Variants in PANX1 observed in about 807,000 individuals in gnomAD.
The protein encoded by PANX1 is pannexin-1.
Under a neutral mutation model 38.7 loss-of-function variants are expected in PANX1, and 30 were observed. That is an observed-to-expected ratio of 0.78 (90% CI 0.58 to 1.05). PANX1 has a LOEUF of 1.05. Ranked by LOEUF, PANX1 falls within the 50% of genes least tolerant of loss-of-function variation. The pLI is 0.00. For missense variants in PANX1, 551 were observed against 517.2 expected (o/e 1.07, Z -0.63); for synonymous variants, 230 against 212.2 (o/e 1.08, Z -0.73).
chr11:94,129,441 G>T lies in PANX1; in HGVS notation c.129G>T (p.Val43=), dbSNP rs1946598949. The stretch of plus-strand genomic sequence containing the variant: ...ACAAGATGGTCACGTGCATTGCGGT[G>T]GGGCTGCCCCTGCTGCTCATCTCGC... ...AVDKMVTCIA[V]GLPLLLISLA... Residue 43 remains valine (V), a synonymous_variant, in exon 1 of 5, where the codon GTG becomes GTT. Coordinates refer to ENST00000227638, the MANE Select transcript of PANX1 (RefSeq NM_015368.4). 1 of 1,613,764 alleles carries T rather than the reference G, an allele frequency of 6.2e-7. No homozygotes were observed. The highest frequency in any genetic ancestry group is 1.3e-5 in the African/African-American group (1 of 75,034).
At chr11:94,129,541 G>T in intron 1 of PANX1, 48 bp downstream of exon 1, 1 of 1,525,442 alleles carries the variant, frequency 6.6e-7, no homozygotes, top group Non-Finnish European at 9.0e-7. Context: ...GGTCTGGCCC[G>T]GTGAGCTGCG....
In PANX1 at chr11:94,180,185, G is replaced by A. The variant is rs1321564091; in HGVS notation, c.1129G>A (p.Val377Ile). The A allele has an allele frequency of 1.2e-6, 2 of 1,613,822 alleles. No homozygotes were observed. The highest frequency in any genetic ancestry group is 1.1e-5 in the South Asian group (1 of 91,070). Residue 377 changes from valine (V) to isoleucine (I), a missense_variant, in exon 4 of 5, where the codon GTT (valine) becomes ATT (isoleucine). Physicochemically the swap from Val to Ile is conservative, Grantham distance 29. Coordinates refer to ENST00000227638, the MANE Select transcript of PANX1 (RefSeq NM_015368.4). The part of the protein sequence containing the change: ...LTNLGMIKMD[V>I]VDGKTPMSAE... ...AAACCTTGGCATGATCAAGATGGAT[G>A]TTGTTGATGGCAAAACTCCCATGTC...
intron 1 of PANX1, among the ~76,000 whole-genome samples, chr11:94,152,515 G>T (rs1946894097): frequency 6.6e-6 from 1 of 152,126 alleles, no homozygotes; most frequent in African/African-American, 2.4e-5. Context: ...TGGAGCCTTA[G>T]CTCTGACCCC....
chr11:94,178,241 A>C, intron 2 of PANX1, 128 bp from the exon 3 acceptor site: 1 of 684,154 alleles, frequency 1.5e-6, no homozygotes, highest in Non-Finnish European at 2.6e-6. Flanking sequence ...AGTAGTTATT[A>C]GGTAATGAGC....
chr11:94,155,848 A>G (rs1244302165), intron 2 of PANX1, among the ~76,000 whole-genome samples: 1 of 152,180 alleles, frequency 6.6e-6, no homozygotes, highest in Non-Finnish European at 1.5e-5. Context: ...ATTTTCAGCC[A>G]TAGGTGGGTT....
At chr11:94,176,335 G>A (rs890481775) in intron 2 of PANX1, among the ~76,000 whole-genome samples, 5 of 151,578 alleles carry the variant, frequency 3.3e-5, no homozygotes, top group Non-Finnish European at 7.4e-5. Flanking sequence ...AAAGATTGAA[G>A]AACTGTCACA....
intron 1 of PANX1, among the ~76,000 whole-genome samples, chr11:94,149,606 T>C (rs994515041): frequency 6.6e-6 from 1 of 152,234 alleles, no homozygotes; most frequent in African/African-American, 2.4e-5. Context: ...GTATTCTTTG[T>C]TGTTCTTGGC....
intron 2 of PANX1, among the ~76,000 whole-genome samples, chr11:94,176,756 T>C (rs761134651): frequency 2.6e-5 from 4 of 151,230 alleles, no homozygotes; most frequent in Non-Finnish European, 4.4e-5. Flanking sequence ...TCCAGAGGAG[T>C]AAAGTAATTG....
At chr11:94,164,150 T>C (rs1186353294) in intron 2 of PANX1, among the ~76,000 whole-genome samples, 3 of 152,064 alleles carry the variant, frequency 2.0e-5, no homozygotes, top group Non-Finnish European at 2.9e-5. Flanking sequence ...TTTGTTGATT[T>C]TGTCTTTTCA....
In PANX1 at chr11:94,130,209, A is replaced by G. The variant is rs116016717; in HGVS notation, c.181+716A>G. ...ACTCTCCACACAGGAGAGAGTGTTT[A>G]TGAACCAACAGGAAGGTAGCGCAGG... On this transcript the variant is annotated intron_variant, in intron 1 of 4. Transcript: ENST00000227638. Among the ~76,000 whole-genome samples the G allele has an allele frequency of 3.6e-3, 546 of 152,278 alleles. 3 individuals carry two copies. Among genetic ancestry groups the G allele is most frequent in the African/African-American group, 0.012 (507 of 41,538 alleles).
At chr11:94,129,673 C>T (rs1484000124) in intron 1 of PANX1, among the ~76,000 whole-genome samples, 180 bp downstream of exon 1, 2 of 152,138 alleles carry the variant, frequency 1.3e-5, no homozygotes. Context: ...TTCATTGGTA[C>T]CCTGGTCTAC....
chr11:94,136,303 A>G (rs1277251108), intron 1 of PANX1, among the ~76,000 whole-genome samples: 1 of 152,188 alleles, frequency 6.6e-6, no homozygotes, highest in Non-Finnish European at 1.5e-5. Flanking sequence ...GGTTTTAAGA[A>G]AGAAAGGGCC....
intron 2 of PANX1, among the ~76,000 whole-genome samples, chr11:94,162,744 C>T (rs981455132): frequency 6.6e-6 from 1 of 152,196 alleles, no homozygotes; most frequent in Non-Finnish European, 1.5e-5. Context: ...CTTTCTGACA[C>T]TCCCCAGTGA....
chr11:94,155,279 G>T (rs1306002295), intron 2 of PANX1, among the ~76,000 whole-genome samples: 2 of 151,752 alleles, frequency 1.3e-5, no homozygotes, highest in African/African-American at 4.8e-5. Context: ...GAGCCCAGGA[G>T]GTGGAAGTTG....
intron 1 of PANX1, among the ~76,000 whole-genome samples, chr11:94,146,363 C>T (rs1053155893): frequency 6.6e-6 from 1 of 152,056 alleles, no homozygotes; most frequent in African/African-American, 2.4e-5. Flanking sequence ...ACTTATTTTG[C>T]AACCACATTT....
intron 2 of PANX1, chr11:94,175,827 G>C: frequency 2.0e-6 from 2 of 984,650 alleles, no homozygotes; most frequent in Non-Finnish European, 2.4e-6. Flanking sequence ...TTTGCAAATT[G>C]GGTTAATACT....
At chr11:94,140,425 T>C (rs767488054) in intron 1 of PANX1, among the ~76,000 whole-genome samples, 20 of 152,278 alleles carry the variant, frequency 1.3e-4, no homozygotes, top group Non-Finnish European at 2.6e-4. Context: ...TTAGTGCATA[T>C]TCTTTTACAG....
chr11:94,145,130 G>A (rs1041643386), intron 1 of PANX1, among the ~76,000 whole-genome samples: 2 of 152,126 alleles, frequency 1.3e-5, no homozygotes, highest in Non-Finnish European at 2.9e-5. Context: ...AACAACATGT[G>A]GATGAAGCAA....
chr11:94,170,412 A>G (rs1947151986), intron 2 of PANX1, among the ~76,000 whole-genome samples: 2 of 151,822 alleles, frequency 1.3e-5, no homozygotes, highest in South Asian at 2.1e-4. Context: ...TTAAGACTGA[A>G]TAACATCCCA....
Sources: allele counts gnomAD v4.1 joint callset (sites outside exome capture counted in the v4.1 genomes callset), GRCh38; gene constraint gnomAD v4.1.1; transcripts MANE v1.5; gene names NCBI Gene and HGNC (gene_info 2026-07-23, HGNC 2026-07-21).